Variants in TOPAZ1 observed in about 807,000 individuals in gnomAD.
The protein encoded by TOPAZ1 is testis and ovary specific TOPAZ 1, also known as protein TOPAZ1.
In TOPAZ1, 66 loss-of-function variants were observed where a neutral mutation model predicts 172.2. The ratio of observed to expected loss-of-function variants is 0.38; its 90% CI spans 0.31 to 0.47. The LOEUF (loss-of-function observed/expected upper bound fraction) is 0.47. TOPAZ1 is among the 20% of genes least tolerant of loss of function. The pLI is 0.99. For synonymous variants in TOPAZ1, 681 were observed against 683.9 expected (o/e 1.00, Z 0.07); for missense variants, 1,822 against 1,972.4 (o/e 0.92, Z 1.44).
Position 44,245,276 on chromosome 3 carries a change from G to A in TOPAZ1, c.2765+5G>A. ...AGAACCAAGTGATGACTTAAGGTATGCATGTTCAAGTATTCCTTTTAGTGC... is the reference window on the plus strand; with the variant it reads ...AGAACCAAGTGATGACTTAAGGTATACATGTTCAAGTATTCCTTTTAGTGC... On this transcript the variant is annotated splice_donor_5th_base_variant and intron_variant, in intron 2 of 19. Coordinates refer to ENST00000309765, the MANE Select transcript of TOPAZ1 (RefSeq NM_001145030.2). The A allele has an allele frequency of 6.6e-7, 1 of 1,519,060 alleles. No individual in the cohort carries two copies. The highest frequency in any genetic ancestry group is 8.8e-7 in the Non-Finnish European group (1 of 1,134,408). 94.1% of individuals were successfully genotyped at this position (1,519,060 alleles called of 1,614,324 possible). A position where few individuals can be genotyped will look rare whatever the true frequency, so the allele number is the denominator to read the frequency against.
At chr3:44,245,530 CTTTTTTTT>C (rs531158571) in intron 2 of TOPAZ1, among the ~76,000 whole-genome samples, 23 of 83,002 alleles carry the variant, frequency 2.8e-4, no homozygotes, top group Admixed American at 4.1e-4. Context: ...CATAGAGTGG[CTTTTTTTT>C]TTTTTTTTTT....
At chr3:44,271,548 CTATA>C (rs1219403902) in intron 8 of TOPAZ1, among the ~76,000 whole-genome samples, 1 of 151,920 alleles carries the variant, frequency 6.6e-6, no homozygotes, top group Non-Finnish European at 1.5e-5. Context: ...GTATGTATAT[CTATA>C]TATATAAAAT....
Position 44,244,547 on chromosome 3 carries a change from A to G in TOPAZ1, c.2041A>G (p.Thr681Ala). The G allele has an allele frequency of 1.9e-6, 3 of 1,550,202 alleles. No homozygotes were observed. In the East Asian group the frequency reaches 7.3e-5, roughly 38 times the overall value. The stretch of plus-strand genomic sequence containing the variant: ...TCCAGACTTGGTTAAAATATTGAAC[A>G]CAGGACGGCTGACTAATTTTAAAAT... ...IVPDLVKILN[T>A]GRLTNFKIPL... Residue 681 changes from threonine to alanine, a missense_variant, in exon 2 of 20, where the codon ACA becomes GCA. Thr to Ala is a moderately conservative substitution (Grantham distance 58). This residue lies in a region of TOPAZ1 where 1,489 missense variants were observed against 1,490.8 expected (regional missense o/e 1.00). Transcript: ENST00000309765.
chr3:44,293,514 T>G (rs530958755), intron 12 of TOPAZ1, among the ~76,000 whole-genome samples: 10 of 152,274 alleles, frequency 6.6e-5, no homozygotes, highest in Admixed American at 5.9e-4. Context: ...TCTTAGTTTT[T>G]AACAAAACAG....
chr3:44,310,211 C>A (rs1384020117), intron 16 of TOPAZ1, among the ~76,000 whole-genome samples: 1 of 152,124 alleles, frequency 6.6e-6, no homozygotes, highest in Non-Finnish European at 1.5e-5. Context: ...AAAACTAGTT[C>A]TTGTTGGGCC....
rs771722107 is a variant in TOPAZ1 at position 44,308,356 on chromosome 3, C to T, written c.4141-1469C>T. On this transcript the variant is annotated intron_variant, in intron 15 of 19. Transcript: ENST00000309765. ...AGTGTTCTCATTGTTCAATTCCCAC[C>T]TATGAGTGGGAACATGCGGTGTTTG... 9.1e-4 allele frequency among the ~76,000 whole-genome samples: 137 copies of T among 151,340 alleles called. 1 individual carries two copies. Among genetic ancestry groups the T allele is most frequent in the Admixed American group, 1.7e-3 (26 of 15,196 alleles).
intron 8 of TOPAZ1, among the ~76,000 whole-genome samples, chr3:44,271,142 G>A (rs915115047): frequency 6.6e-6 from 1 of 152,106 alleles, no homozygotes; most frequent in African/African-American, 2.4e-5. Context: ...GTGAACATAT[G>A]TATACGTTCT....
intron 4 of TOPAZ1, among the ~76,000 whole-genome samples, chr3:44,257,414 T>G (rs1325729113): frequency 0.045 from 5,451 of 122,012 alleles, 141 homozygotes; most frequent in African/African-American, 0.061. Context: ...TGTGTCTATT[T>G]TATATATTTT....
At chr3:44,267,476 T>C (rs906450412) in intron 6 of TOPAZ1, among the ~76,000 whole-genome samples, 1 of 151,992 alleles carries the variant, frequency 6.6e-6, no homozygotes, top group Admixed American at 6.5e-5. Context: ...TTTGTATTTT[T>C]AGTAGAGACG....
intron 5 of TOPAZ1, 42 bp downstream of exon 5, chr3:44,262,525 C>T (rs1314889991): frequency 9.6e-7 from 1 of 1,038,700 alleles, no homozygotes; most frequent in Non-Finnish European, 1.4e-6. Flanking sequence ...AAAATAGTCA[C>T]TCATCTAATT....
At chr3:44,290,129 G>A (rs1700120625) in intron 11 of TOPAZ1, among the ~76,000 whole-genome samples, 1 of 151,864 alleles carries the variant, frequency 6.6e-6, no homozygotes, top group African/African-American at 2.4e-5. Flanking sequence ...TCACAACCTT[G>A]TATCTTCCCA....
At chr3:44,270,438 C>G (rs1452250841) in intron 7 of TOPAZ1, among the ~76,000 whole-genome samples, 1 of 152,008 alleles carries the variant, frequency 6.6e-6, no homozygotes, top group East Asian at 1.9e-4. Flanking sequence ...AGAGAATAAC[C>G]TTGATGGAAT....
intron 15 of TOPAZ1, among the ~76,000 whole-genome samples, chr3:44,307,600 T>C (rs913119400): frequency 2.0e-5 from 3 of 152,016 alleles, no homozygotes; most frequent in African/African-American, 7.2e-5. Context: ...GGAGTTTATA[T>C]AGAGAGTAGA....
In TOPAZ1 at chr3:44,315,856, A is replaced by G. The variant is rs189414297; in HGVS notation, c.4307-5171A>G. On this transcript the variant is annotated intron_variant, in intron 16 of 19. Coordinates refer to ENST00000309765, the MANE Select transcript of TOPAZ1 (RefSeq NM_001145030.2). ...ATGTGAACCCTGGTTATTTGCAGTCATGGGATTTTTAATTATTTCTAAAAT... is the reference window on the plus strand; with the variant it reads ...ATGTGAACCCTGGTTATTTGCAGTCGTGGGATTTTTAATTATTTCTAAAAT... 1.2e-3 allele frequency among the ~76,000 whole-genome samples: 188 copies of G among 152,284 alleles called. 3 individuals carry two copies. The highest frequency in any genetic ancestry group is 9.2e-3 in the Admixed American group (141 of 15,308).
Position 44,244,897 on chromosome 3 carries a change from A to C in TOPAZ1, c.2391A>C (p.Glu797Asp). ...CAGGCAATATTGTTTCTAATAAAGA[A>C]GTTGCTTCTCTCACAGTTGAAAATA... ...SEPGNIVSNK[E>D]VASLTVENNA... The change falls in exon 2 of 20, where the codon GAA becomes GAC. Residue 797 changes from glutamate to aspartate, a missense_variant. Around this residue, in one of 2 missense-constraint regions of TOPAZ1, gnomAD observed 1,489 missense variants for 1,490.8 expected, o/e 1.00. Coordinates refer to ENST00000309765, the MANE Select transcript of TOPAZ1 (RefSeq NM_001145030.2). The C allele has an allele frequency of 6.4e-7, 1 of 1,551,762 alleles. No homozygotes were observed.
intron 12 of TOPAZ1, 91 bp downstream of exon 12, chr3:44,290,977 A>G (rs771323240): frequency 9.3e-6 from 7 of 755,920 alleles, no homozygotes; most frequent in African/African-American, 1.8e-5. Context: ...AACTGTTTGT[A>G]TGCCCAAACA....
chr3:44,277,133 G>A (rs923982140), intron 8 of TOPAZ1, among the ~76,000 whole-genome samples: 4 of 152,156 alleles, frequency 2.6e-5, no homozygotes, highest in Admixed American at 2.0e-4. Context: ...TAATTTATAA[G>A]CTTGGGATGT....
chr3:44,249,190 G>C (rs987436884), intron 2 of TOPAZ1, among the ~76,000 whole-genome samples: 2 of 151,130 alleles, frequency 1.3e-5, no homozygotes, highest in African/African-American at 4.9e-5. Flanking sequence ...GTGGATTGTT[G>C]AGATTTTAAG....
At chr3:44,276,292 A>G (rs144581008) in intron 8 of TOPAZ1, among the ~76,000 whole-genome samples, 22 of 152,086 alleles carry the variant, frequency 1.4e-4, no homozygotes, top group Non-Finnish European at 2.6e-4. Flanking sequence ...TATCTCCCCT[A>G]TGTTTTCTCC....
Sources: allele counts gnomAD v4.1 joint callset (sites outside exome capture counted in the v4.1 genomes callset), GRCh38; gene constraint gnomAD v4.1.1; regional missense constraint gnomAD v4.1.1; transcripts MANE v1.5; gene names NCBI Gene and HGNC (gene_info 2026-07-23, HGNC 2026-07-21).